The following RUNX2 variants were observed in gnomAD, a reference collection of about 807,000 sequenced individuals.
RUNX2 encodes the protein RUNX family transcription factor 2.
A neutral mutation model predicts 51.7 loss-of-function variants in RUNX2; 10 were observed. The ratio of observed to expected loss-of-function variants is 0.19; its 90% CI spans 0.12 to 0.33. The LOEUF (loss-of-function observed/expected upper bound fraction) is 0.33. RUNX2 is among the 10% of genes least tolerant of loss of function. The probability of loss-of-function intolerance (pLI) is 1.00; values close to 1 mark genes in which losing one functional copy is unlikely to be tolerated. For synonymous variants in RUNX2, 276 were observed against 273.6 expected (o/e 1.01, Z -0.09); for missense variants, 562 against 691.3 (o/e 0.81, Z 2.10).
chr6:45,436,433 G>A (rs74587175), intron 4 of RUNX2, among the ~76,000 whole-genome samples: 11,948 of 152,122 alleles, frequency 0.079, 601 homozygotes, highest in African/African-American at 0.15. Flanking sequence ...GTGCAATGGG[G>A]GTGAGAGATC....
intron 2 of RUNX2, among the ~76,000 whole-genome samples, chr6:45,413,157 A>T (rs1797989299): frequency 6.6e-6 from 1 of 152,246 alleles, no homozygotes; most frequent in Non-Finnish European, 1.5e-5. Context: ...TATGGGAATG[A>T]AAGAAAATAA....
chr6:45,470,252 G>T (rs1799759460), intron 5 of RUNX2, among the ~76,000 whole-genome samples: 2 of 152,192 alleles, frequency 1.3e-5, no homozygotes, highest in Admixed American at 6.5e-5. Context: ...ACCATGTAAA[G>T]TGATCCAAGA....
intron 5 of RUNX2, among the ~76,000 whole-genome samples, chr6:45,462,316 C>A (rs1364105855): frequency 6.6e-6 from 1 of 152,182 alleles, no homozygotes; most frequent in Non-Finnish European, 1.5e-5. Flanking sequence ...CCACCGTTTA[C>A]TCAACATTAA....
At chr6:45,454,824 C>T (rs1799275270) in intron 5 of RUNX2, among the ~76,000 whole-genome samples, 1 of 152,150 alleles carries the variant, frequency 6.6e-6, no homozygotes, top group South Asian at 2.1e-4. Flanking sequence ...CAGGAAAACA[C>T]AGTCTCAGGC....
chr6:45,351,453 C>T (rs1430418753), intron 2 of RUNX2, among the ~76,000 whole-genome samples: 1 of 152,088 alleles, frequency 6.6e-6, no homozygotes, highest in African/African-American at 2.4e-5. Flanking sequence ...ATCACTGTAA[C>T]ATAGTAAAAT....
At chr6:45,377,737 TCCCCGCACCGCC>T (rs1797026507) in intron 2 of RUNX2, 2 of 152,136 alleles carry the variant, frequency 1.3e-5, no homozygotes, top group African/African-American at 4.8e-5. Flanking sequence ...CCCGCCCGAA[TCCCCGCACCGCC>T]CCCCGCAAGC....
intron 5 of RUNX2, 116 bp downstream of exon 5, chr6:45,438,167 C>G (rs1798743334): frequency 1.4e-6 from 1 of 722,248 alleles, no homozygotes; most frequent in Non-Finnish European, 2.5e-6. Flanking sequence ...GTGGACTTTG[C>G]TATCTGCATA....
intron 6 of RUNX2, among the ~76,000 whole-genome samples, chr6:45,495,089 T>G (rs1299993436): frequency 6.6e-6 from 1 of 152,260 alleles, no homozygotes; most frequent in East Asian, 1.9e-4. Flanking sequence ...GAAAAAGTTC[T>G]GGAACCTTCA....
chr6:45,366,846 T>C (rs1795219471), intron 2 of RUNX2, among the ~76,000 whole-genome samples: 1 of 152,192 alleles, frequency 6.6e-6, no homozygotes, highest in Admixed American at 6.5e-5. Context: ...CTTCCCCTCT[T>C]GTCCTACGGC....
At chr6:45,371,495 A>G (rs1186008044) in intron 2 of RUNX2, among the ~76,000 whole-genome samples, 1 of 152,028 alleles carries the variant, frequency 6.6e-6, no homozygotes, top group African/African-American at 2.4e-5. Flanking sequence ...AATAAACAAC[A>G]GGCTTTGATC....
At chr6:45,393,378 G>A (rs763672624) in intron 2 of RUNX2, among the ~76,000 whole-genome samples, 2 of 152,116 alleles carry the variant, frequency 1.3e-5, no homozygotes, top group Non-Finnish European at 2.9e-5. Context: ...TATAGCTGCG[G>A]TGTCAGTGTC....
intron 3 of RUNX2, among the ~76,000 whole-genome samples, chr6:45,425,847 G>A (rs1005446677): frequency 1.3e-5 from 2 of 152,058 alleles, no homozygotes; most frequent in African/African-American, 4.8e-5. Flanking sequence ...GATTATAGTG[G>A]TTGTCAGGTC....
intron 2 of RUNX2, among the ~76,000 whole-genome samples, chr6:45,332,851 T>C (rs1007631968): frequency 3.3e-5 from 5 of 151,790 alleles, no homozygotes; most frequent in Non-Finnish European, 5.9e-5. Flanking sequence ...AATCAGGTGC[T>C]AGCAGATCCA....
chr6:45,380,643 C>T (rs970580003), intron 2 of RUNX2, among the ~76,000 whole-genome samples: 3 of 152,196 alleles, frequency 2.0e-5, no homozygotes, highest in South Asian at 2.1e-4. Context: ...GTGGCCCGAT[C>T]TCGGCTCACT....
intron 5 of RUNX2, among the ~76,000 whole-genome samples, chr6:45,482,945 A>AT (rs1050741954): frequency 6.6e-6 from 1 of 152,084 alleles, no homozygotes; most frequent in Non-Finnish European, 1.5e-5. Context: ...AGTGATTATG[A>AT]TTTTTTTCCT....
chr6:45,370,331 A>T (rs1338966846), intron 2 of RUNX2, among the ~76,000 whole-genome samples: 1 of 152,096 alleles, frequency 6.6e-6, no homozygotes. Flanking sequence ...CGAATTCTGG[A>T]GCCTTAGAAA....
At chr6:45,399,292 C>T (rs1395474995) in intron 2 of RUNX2, among the ~76,000 whole-genome samples, 1 of 150,366 alleles carries the variant, frequency 6.7e-6, no homozygotes, top group East Asian at 1.9e-4. Flanking sequence ...TCTCTTCCCC[C>T]TTTCCCTTTT....
At chr6:45,346,162 A>C (rs1405748163) in intron 2 of RUNX2, among the ~76,000 whole-genome samples, 1 of 143,272 alleles carries the variant, frequency 7.0e-6, no homozygotes, top group East Asian at 1.9e-4. Context: ...ACCTGCATCT[A>C]CCACCTGTCA....
At chr6:45,399,782 G>A (rs1048985374) in intron 2 of RUNX2, among the ~76,000 whole-genome samples, 5 of 149,714 alleles carry the variant, frequency 3.3e-5, no homozygotes, top group Non-Finnish European at 7.4e-5. Context: ...AGGGAGGGAG[G>A]GAGGAAAGGA....
Sources: allele counts gnomAD v4.1 joint callset (sites outside exome capture counted in the v4.1 genomes callset), GRCh38; gene constraint gnomAD v4.1.1; transcripts MANE v1.5; gene names NCBI Gene and HGNC (gene_info 2026-07-23, HGNC 2026-07-21).